Variants in CLNK observed in about 807,000 individuals in gnomAD.
CLNK encodes cytokine dependent hematopoietic cell linker, also known as cytokine-dependent hematopoietic cell linker.
CLNK carries 74 observed loss-of-function variants against 68.6 expected under a neutral mutation model. The observed-to-expected ratio is 1.08, with a 90% CI of 0.89 to 1.31. The LOEUF is 1.31. Ranked by LOEUF, CLNK falls within the 50% of genes most tolerant of loss-of-function variation. CLNK has a pLI of 0.00. For missense variants in CLNK, 553 were observed against 515.3 expected (o/e 1.07, Z -0.71); for synonymous variants, 198 against 172.2 (o/e 1.15, Z -1.17).
chr4:10,651,328 G>C, intron 2 of CLNK, among the ~76,000 whole-genome samples: 1 of 152,174 alleles, frequency 6.6e-6, no homozygotes, highest in East Asian at 1.9e-4. Flanking sequence ...ACTGGATAAA[G>C]AAAATGTGGC....
intron 8 of CLNK, among the ~76,000 whole-genome samples, chr4:10,553,764 T>C (rs941006702): frequency 6.6e-6 from 1 of 152,222 alleles, no homozygotes; most frequent in African/African-American, 2.4e-5. Context: ...TTCTCTTTTA[T>C]TTAATATGAT....
chr4:10,502,946 G>C (rs1205035090), intron 17 of CLNK, among the ~76,000 whole-genome samples: 1 of 152,116 alleles, frequency 6.6e-6, no homozygotes, highest in Admixed American at 6.5e-5. Context: ...CAAGAGCTGA[G>C]AACAGGACAA....
intron 2 of CLNK, among the ~76,000 whole-genome samples, chr4:10,625,212 G>T (rs1173887241): frequency 3.3e-5 from 5 of 152,172 alleles, no homozygotes; most frequent in Non-Finnish European, 7.3e-5. Context: ...TGGATGGCTG[G>T]CAAGATTTGA....
intron 2 of CLNK, among the ~76,000 whole-genome samples, chr4:10,626,327 C>T (rs1238946949): frequency 1.3e-5 from 2 of 152,168 alleles, no homozygotes; most frequent in Non-Finnish European, 2.9e-5. Context: ...GTTTCTCATT[C>T]ATGCTCTCCT....
At chr4:10,582,267 G>A (rs1720810288) in intron 4 of CLNK, among the ~76,000 whole-genome samples, 1 of 152,118 alleles carries the variant, frequency 6.6e-6, no homozygotes, top group Non-Finnish European at 1.5e-5. Flanking sequence ...CCAGCAGGAG[G>A]CATTGGATGC....
chr4:10,721,616 A>G, the CLNK span, among the ~76,000 whole-genome samples: 1 of 152,352 alleles, frequency 6.6e-6, no homozygotes, highest in South Asian at 2.1e-4. Context: ...CAATTTGTCC[A>G]CACATTTATA....
chr4:10,561,501 T>C (rs1465060268), intron 7 of CLNK, among the ~76,000 whole-genome samples: 1 of 152,250 alleles, frequency 6.6e-6, no homozygotes, highest in African/African-American at 2.4e-5. Context: ...AAAAATTGTA[T>C]TCATGAAGGC....
chr4:10,624,421 T>C (rs1424945341), intron 2 of CLNK, among the ~76,000 whole-genome samples: 1 of 151,926 alleles, frequency 6.6e-6, no homozygotes, highest in Non-Finnish European at 1.5e-5. Flanking sequence ...GCCTCCCGAG[T>C]AGCTCGGACT....
chr4:10,547,397 A>T (rs73810311), intron 8 of CLNK, among the ~76,000 whole-genome samples: 9,655 of 152,282 alleles, frequency 0.063, 609 homozygotes, highest in African/African-American at 0.15. Flanking sequence ...CATGAAATCA[A>T]CACCACCGTC....
At chr4:10,682,238 A>T (rs1577218993) in intron 1 of CLNK, among the ~76,000 whole-genome samples, 1 of 152,124 alleles carries the variant, frequency 6.6e-6, no homozygotes, top group East Asian at 1.9e-4. Flanking sequence ...TCTGTTAAAA[A>T]TCATAAATAG....
chr4:10,519,204 C>G (rs962153635), intron 15 of CLNK, among the ~76,000 whole-genome samples: 3 of 152,176 alleles, frequency 2.0e-5, no homozygotes, highest in South Asian at 2.1e-4. Flanking sequence ...CCTAAGCAAC[C>G]CCAGTACAGA....
chr4:10,628,483 C>G (rs900670822), intron 2 of CLNK, among the ~76,000 whole-genome samples: 1 of 152,148 alleles, frequency 6.6e-6, no homozygotes, highest in East Asian at 1.9e-4. Flanking sequence ...AAGTCAGGGT[C>G]TGTTTCTCCT....
At chr4:10,598,603 A>C in intron 2 of CLNK, 1 of 389,010 alleles carries the variant, frequency 2.6e-6, no homozygotes. Context: ...GAGCTCCCAT[A>C]TCATTTAGGC....
At chr4:10,567,131 GAAAAAAA>G (rs61037076) in intron 5 of CLNK, among the ~76,000 whole-genome samples, 24 of 110,552 alleles carry the variant, frequency 2.2e-4, no homozygotes, top group Non-Finnish European at 3.3e-4. Flanking sequence ...ACAATCTTGG[GAAAAAAA>G]AAAAAAAAAA....
chr4:10,641,640 G>C (rs1361025422), intron 2 of CLNK, among the ~76,000 whole-genome samples: 1 of 152,180 alleles, frequency 6.6e-6, no homozygotes. Context: ...ATGAATAAGT[G>C]AGTAAACACA....
At chr4:10,684,960 A>G (rs1024452102), upstream of CLNK, 2 of 152,164 alleles carry the variant, frequency 1.3e-5, no homozygotes, top group African/African-American at 2.4e-5. Context: ...AAATCTTCCA[A>G]TGCAAAGGGT....
chr4:10,518,393 A>G (rs1284062877), intron 15 of CLNK, among the ~76,000 whole-genome samples: 2 of 152,192 alleles, frequency 1.3e-5, no homozygotes. Flanking sequence ...TTAAGCAGGT[A>G]GTCAATAAAT....
intron 2 of CLNK, among the ~76,000 whole-genome samples, chr4:10,655,130 CA>C (rs1671415945): frequency 6.8e-6 from 1 of 146,336 alleles, no homozygotes; most frequent in Non-Finnish European, 1.5e-5. Flanking sequence ...AAGGATTTCT[CA>C]AAAAGATGTT....
intron 2 of CLNK, among the ~76,000 whole-genome samples, chr4:10,653,603 C>T (rs1012843277): frequency 6.6e-6 from 1 of 151,780 alleles, no homozygotes; most frequent in Non-Finnish European, 1.5e-5. Context: ...AACAGGATGG[C>T]TAAAATTTAA....
Sources: allele counts gnomAD v4.1 joint callset (sites outside exome capture counted in the v4.1 genomes callset), GRCh38; gene constraint gnomAD v4.1.1; transcripts MANE v1.5; gene names NCBI Gene and HGNC (gene_info 2026-07-23, HGNC 2026-07-21).